TBXAS1: variants seen among roughly 807,000 people sequenced by gnomAD.
TBXAS1 encodes thromboxane A synthase 1.
A neutral mutation model predicts 60.7 loss-of-function variants in TBXAS1; 48 were observed. That is an observed-to-expected ratio of 0.79 (90% CI 0.63 to 1.01). TBXAS1 has a LOEUF of 1.01. Among genes scored for constraint, TBXAS1 ranks in the 50% least tolerant of loss-of-function variants. The pLI is 0.00. For synonymous variants in TBXAS1, 287 were observed against 269.7 expected, an observed-to-expected ratio of 1.06 and a Z score of -0.63; for missense variants, 685 against 686.3, an observed-to-expected ratio of 1.00 and a Z score of 0.02.
intron 8 of TBXAS1, among the ~76,000 whole-genome samples, chr7:139,958,499 T>C (rs1050791504): frequency 2.6e-5 from 4 of 152,268 alleles, no homozygotes; most frequent in Middle Eastern, 6.8e-3. Flanking sequence ...TTAAAGAAAG[T>C]TACTAAAAAG....
intron 4 of TBXAS1, among the ~76,000 whole-genome samples, chr7:139,802,668 AC>A (rs973237315): frequency 6.6e-6 from 1 of 152,104 alleles, no homozygotes; most frequent in Admixed American, 6.5e-5. Context: ...GCCTGTAATC[AC>A]AGCTACTCCA....
chr7:139,901,911 T>C (rs1469103867), intron 3 of TBXAS1, among the ~76,000 whole-genome samples: 1 of 151,978 alleles, frequency 6.6e-6, no homozygotes, highest in Non-Finnish European at 1.5e-5. Flanking sequence ...TAGAGTTTAT[T>C]AAGCTCCCCA....
intron 3 of TBXAS1, among the ~76,000 whole-genome samples, chr7:139,893,572 T>A (rs1803828343): frequency 1.3e-5 from 2 of 152,252 alleles, no homozygotes; most frequent in Non-Finnish European, 2.9e-5. Flanking sequence ...TGAAAAAAAT[T>A]GCTTGCCTAA....
chr7:139,977,074 A>G (rs1811616506), intron 9 of TBXAS1, among the ~76,000 whole-genome samples: 1 of 152,252 alleles, frequency 6.6e-6, no homozygotes, highest in East Asian at 1.9e-4. Flanking sequence ...CATTCAGCAG[A>G]CAAGCCTGTT....
intron 4 of TBXAS1, among the ~76,000 whole-genome samples, chr7:139,818,186 G>A (rs1010197980): frequency 1.3e-4 from 20 of 152,154 alleles, no homozygotes; most frequent in African/African-American, 4.8e-4. Flanking sequence ...GGCCCTGGAG[G>A]GTTCCTTGAG....
At chr7:139,873,586 G>T (rs1801988806) in intron 2 of TBXAS1, among the ~76,000 whole-genome samples, 1 of 152,228 alleles carries the variant, frequency 6.6e-6, no homozygotes, top group East Asian at 1.9e-4. Flanking sequence ...GGAACAGGGA[G>T]AATGGCTATG....
chr7:140,020,199 A>C lies in TBXAS1; in HGVS notation c.*100A>C. On this transcript the variant is annotated 3_prime_UTR_variant, in exon 13 of 13. Transcript: ENST00000448866. ...TGGAAAAATGTCACTGAAGTGATTG[A>C]AAGAGTGCCTGGCATGCAAGGATAA... The C allele has an allele frequency of 8.9e-7, 1 of 1,129,784 alleles. No individual in the cohort carries two copies. Among genetic ancestry groups the C allele is most frequent in the South Asian group, 1.2e-5 (1 of 80,266 alleles). The allele number at this position is 1,129,784 out of a possible 1,614,324, so 70.0% of individuals were successfully genotyped here.
At position 139,778,830 on chromosome 7, in the gene TBXAS1, C is replaced by T. The variant is rs1344030866; in HGVS notation, c.-318+359C>T. Among the ~76,000 whole-genome samples, 1 of 152,194 alleles carries T rather than the reference C, an allele frequency of 6.6e-6. No individual in the cohort carries two copies. The highest frequency in any genetic ancestry group is 2.4e-5 in the African/African-American group (1 of 41,440). On this transcript the variant is annotated intron_variant, in intron 1 of 16. Coordinates refer to the TBXAS1 transcript ENST00000336425. This position sits in a 1 kb window ranked among gnomAD's most constrained non-coding sequence, Gnocchi z 4.8. ...GGGAGCCTCTCCAGGTTTGCTTCTC[C>T]AGCTGCCTCCCGGATGCTTGGATAG... is the stretch of plus-strand genomic sequence containing the variant.
intron 9 of TBXAS1, among the ~76,000 whole-genome samples, chr7:139,982,911 C>T (rs1418628798): frequency 6.6e-6 from 1 of 152,114 alleles, no homozygotes; most frequent in Non-Finnish European, 1.5e-5. Flanking sequence ...ACTTAGGTCC[C>T]CCAACTCCCA....
At chr7:139,829,208 C>T, upstream of TBXAS1, 1 of 699,098 alleles carries the variant, frequency 1.4e-6, no homozygotes, top group Non-Finnish European at 2.6e-6. Context: ...TTGTGCCCTC[C>T]TCTTCCTTCC....
chr7:139,798,011 C>T (rs1797616707), intron 4 of TBXAS1, among the ~76,000 whole-genome samples: 2 of 152,192 alleles, frequency 1.3e-5, no homozygotes, highest in South Asian at 4.1e-4. Flanking sequence ...CCATTGTGTA[C>T]ACACAATAAA....
intron 4 of TBXAS1, among the ~76,000 whole-genome samples, chr7:139,808,205 G>A (rs1004356736): frequency 6.6e-5 from 10 of 151,942 alleles, no homozygotes; most frequent in Admixed American, 4.6e-4. Flanking sequence ...AGATGTGGTG[G>A]TGCATGCCTG....
rs775521644 is a variant in TBXAS1 at position 139,955,611 on chromosome 7, A to G, written c.688+4A>G. On this transcript the variant is annotated splice_donor_region_variant and intron_variant, in intron 7 of 12. Transcript: ENST00000448866. ...AGACCTATCCTGGTTTTACTCTGTA[A>G]GTGCGGCTGCAGCCCGGGGCGCTGC... The G allele has an allele frequency of 1.2e-6, 2 of 1,614,052 alleles. No individual in the cohort carries two copies. Among genetic ancestry groups the G allele is most frequent in the Non-Finnish European group, 1.7e-6 (2 of 1,180,014 alleles).
chr7:139,850,986 C>A (rs184060036), intron 1 of TBXAS1, among the ~76,000 whole-genome samples: 1 of 152,138 alleles, frequency 6.6e-6, no homozygotes, highest in Admixed American at 6.5e-5. Flanking sequence ...TTAAGCCACC[C>A]GGTTTGTGGC....
intron 3 of TBXAS1, among the ~76,000 whole-genome samples, chr7:139,887,101 C>T (rs1584769693): frequency 6.6e-6 from 1 of 152,104 alleles, no homozygotes; most frequent in African/African-American, 2.4e-5. Flanking sequence ...AGAAAGGTTT[C>T]ATATGAGTAG....
At chr7:139,800,427 C>G (rs1797690241) in intron 4 of TBXAS1, among the ~76,000 whole-genome samples, 1 of 152,118 alleles carries the variant, frequency 6.6e-6, no homozygotes, top group Non-Finnish European at 1.5e-5. Context: ...ATCCATTCCA[C>G]CTCTCATCTC....
In TBXAS1 at chr7:139,974,263, T is replaced by G. The variant is rs545397590; in HGVS notation, c.1134+12030T>G. On this transcript the variant is annotated intron_variant, in intron 9 of 12. Coordinates refer to ENST00000448866, the MANE Select transcript of TBXAS1 (RefSeq NM_001061.7). ...GCTAGATATCCCGGCCCCCAGTCAG[T>G]CACTGTTTTTGCAGTCCCACTTCTT... Among the ~76,000 whole-genome samples the G allele has an allele frequency of 4.7e-4, 72 of 152,126 alleles. 1 individual carries two copies. The highest frequency in any genetic ancestry group is 1.0e-3 in the Admixed American group (16 of 15,278).
intron 3 of TBXAS1, among the ~76,000 whole-genome samples, chr7:139,899,184 T>C (rs762647928): frequency 5.3e-5 from 8 of 152,160 alleles, no homozygotes; most frequent in Non-Finnish European, 1.2e-4. Context: ...CTGAAGGGAC[T>C]AGTTAATAGA....
At chr7:139,857,363 C>G (rs9886179) in intron 1 of TBXAS1, among the ~76,000 whole-genome samples, 20,432 of 151,454 alleles carry the variant, frequency 0.13, 3,797 homozygotes, top group African/African-American at 0.42. Flanking sequence ...TTTTTCTCTC[C>G]ATCCTATAAA....
Sources: gnomAD v4.1 joint callset for allele counts (sites outside exome capture counted in the v4.1 genomes callset) on GRCh38, gnomAD v4.1.1 for gene constraint, Gnocchi (gnomAD v3.1) non-coding constraint, MANE v1.5 for transcripts, NCBI Gene and HGNC (gene_info 2026-07-23, HGNC 2026-07-21) for gene names.